The following IRAK2 variants were observed in gnomAD, a reference collection of about 807,000 sequenced individuals.
The protein encoded by IRAK2 is interleukin-1 receptor-associated kinase-like 2.
A neutral mutation model predicts 72.0 loss-of-function variants in IRAK2; 57 were observed. The observed-to-expected ratio is 0.79, with a 90% CI of 0.64 to 0.99. The LOEUF (loss-of-function observed/expected upper bound fraction) is 0.99, where lower values mean the gene tolerates loss of function less well. Ranked by LOEUF, IRAK2 falls within the 50% of genes least tolerant of loss-of-function variation. The pLI, the probability that IRAK2 is intolerant of heterozygous loss-of-function variation, is 0.00. For synonymous variants in IRAK2, 293 were observed against 312.7 expected (o/e 0.94, Z 0.67); for missense variants, 790 against 794.4 (o/e 0.99, Z 0.07).
At chr3:10,187,840 C>A (rs944582886) in intron 2 of IRAK2, among the ~76,000 whole-genome samples, 1 of 152,114 alleles carries the variant, frequency 6.6e-6, no homozygotes, top group Non-Finnish European at 1.5e-5. Flanking sequence ...CTCAGGGAAG[C>A]CCCATGATGG....
chr3:10,196,821 G>A (rs145312763), intron 2 of IRAK2, among the ~76,000 whole-genome samples: 5 of 152,140 alleles, frequency 3.3e-5, no homozygotes, highest in African/African-American at 1.2e-4. Context: ...AATACACAAC[G>A]TGGACATTCG....
chr3:10,174,112 G>A (rs1286782953), intron 1 of IRAK2, among the ~76,000 whole-genome samples: 1 of 152,136 alleles, frequency 6.6e-6, no homozygotes, highest in East Asian at 1.9e-4. Context: ...CCAATGCTTC[G>A]TGGGGGGAGA....
chr3:10,235,826 C>G (rs1364596943), intron 11 of IRAK2, among the ~76,000 whole-genome samples: 1 of 152,162 alleles, frequency 6.6e-6, no homozygotes, highest in East Asian at 1.9e-4. Flanking sequence ...TCTCTGGACT[C>G]CCAGTTCAGC....
chr3:10,177,814 C>G lies in IRAK2; in HGVS notation c.95-24C>G, dbSNP rs774935194. The G allele has an allele frequency of 1.3e-5, 21 of 1,606,760 alleles. No homozygotes were observed. In the South Asian group the frequency reaches 2.2e-4, roughly 17 times the overall value. On this transcript the variant is annotated intron_variant, in intron 1 of 12. Coordinates refer to ENST00000256458, the MANE Select transcript of IRAK2 (RefSeq NM_001570.4). The stretch of plus-strand genomic sequence containing the variant: ...GAGGGACTGCCTCTCTGACTCTAAG[C>G]AGAGTTCTCTCCGTCCCTTCCAGCC...
intron 4 of IRAK2, among the ~76,000 whole-genome samples, chr3:10,212,157 G>A (rs749408070): frequency 1.3e-5 from 2 of 152,014 alleles, no homozygotes; most frequent in Non-Finnish European, 2.9e-5. Context: ...TCTTTTTATA[G>A]GCTTATATAC....
intron 7 of IRAK2, among the ~76,000 whole-genome samples, chr3:10,217,698 TA>T (rs1697626297): frequency 6.6e-6 from 1 of 152,180 alleles, no homozygotes. Flanking sequence ...TAATCCTTAA[TA>T]AAAATTACAG....
chr3:10,242,592 C>A lies in IRAK2; in HGVS notation c.*364C>A, dbSNP rs1012666333. On this transcript the variant is annotated 3_prime_UTR_variant, in exon 13 of 13. Transcript: ENST00000256458. ...TTCCATTACCTCAGCAGCTCTTGTT[C>A]CCCCGCCACTGGCAGTTCTGCAATG... 1 of 158,512 alleles carries A rather than the reference C, an allele frequency of 6.3e-6. No homozygotes were observed. Among genetic ancestry groups the A allele is most frequent in the Non-Finnish European group, 1.4e-5 (1 of 72,368 alleles). The allele number at this position is 158,512 out of a possible 1,614,324, so 9.8% of individuals were successfully genotyped here.
At chr3:10,237,550 G>A (rs1490661980) in intron 11 of IRAK2, among the ~76,000 whole-genome samples, 2 of 152,144 alleles carry the variant, frequency 1.3e-5, no homozygotes, top group Non-Finnish European at 2.9e-5. Flanking sequence ...GCTCACGCCT[G>A]TAATCTCAGC....
intron 1 of IRAK2, 133 bp from the exon 2 acceptor site, chr3:10,177,705 G>C (rs1326856112): frequency 2.4e-6 from 2 of 833,508 alleles, no homozygotes; most frequent in Non-Finnish European, 3.9e-6. Context: ...CTCAGCTAAT[G>C]GTGGTGTTTC....
intron 8 of IRAK2, among the ~76,000 whole-genome samples, chr3:10,221,209 G>A (rs184086684): frequency 5.2e-4 from 77 of 148,980 alleles, no homozygotes; most frequent in African/African-American, 1.6e-3. Flanking sequence ...TGGCTAACAC[G>A]GTGAAACCTC....
At chr3:10,241,976 A>C in intron 12 of IRAK2, 140 bp from the exon 13 acceptor site, 2 of 389,962 alleles carry the variant, frequency 5.1e-6, no homozygotes, top group Non-Finnish European at 8.7e-6. Flanking sequence ...CTGTCTCGAT[A>C]AAAAAAAAAG....
At chr3:10,192,435 G>T (rs1170032363) in intron 2 of IRAK2, among the ~76,000 whole-genome samples, 1 of 152,180 alleles carries the variant, frequency 6.6e-6, no homozygotes. Flanking sequence ...TCAGCCAAAG[G>T]CCCAGCACCC....
chr3:10,185,191 G>T (rs1429072185), intron 2 of IRAK2, among the ~76,000 whole-genome samples: 1 of 151,484 alleles, frequency 6.6e-6, no homozygotes, highest in Non-Finnish European at 1.5e-5. Flanking sequence ...CTGCTGATTC[G>T]GAAACTCTAG....
intron 12 of IRAK2, among the ~76,000 whole-genome samples, chr3:10,240,784 C>G (rs1002726765): frequency 6.6e-6 from 1 of 151,262 alleles, no homozygotes; most frequent in African/African-American, 2.4e-5. Context: ...GTCTTGAACT[C>G]CCAACCTCAG....
intron 11 of IRAK2, among the ~76,000 whole-genome samples, chr3:10,235,960 C>T (rs746485304): frequency 5.9e-5 from 9 of 152,150 alleles, no homozygotes; most frequent in East Asian, 1.9e-4. Flanking sequence ...TCATTCATTC[C>T]GCAGTTGTAC....
At chr3:10,165,721 A>ATT (rs34176794) in intron 1 of IRAK2, among the ~76,000 whole-genome samples, 2,645 of 76,718 alleles carry the variant, frequency 0.034, 169 homozygotes, top group African/African-American at 0.077. Flanking sequence ...GTCTTGAACT[A>ATT]TTTTTTTTTT....
chr3:10,233,871 G>A (rs1220575466), intron 10 of IRAK2, among the ~76,000 whole-genome samples: 1 of 151,874 alleles, frequency 6.6e-6, no homozygotes, highest in African/African-American at 2.4e-5. Context: ...ATTTTTTTGA[G>A]ACAGAATCTC....
Position 10,167,483 on chromosome 3 carries a change from C to G in IRAK2, c.94+2435C>G, listed in dbSNP as rs553546992. Among the ~76,000 whole-genome samples, 24 of 151,768 alleles carry G rather than the reference C, an allele frequency of 1.6e-4. 1 individual carries two copies. In the East Asian group the frequency reaches 2.1e-3, roughly 13 times the overall value. On this transcript the variant is annotated intron_variant, in intron 1 of 12. Transcript: ENST00000256458. ...AGGCTGGAGTGCAGTGGCGCAATCTCGGCTCACTGCAAGCTCCACCTCCTG... is the reference window on the plus strand; with the variant it reads ...AGGCTGGAGTGCAGTGGCGCAATCTGGGCTCACTGCAAGCTCCACCTCCTG...
chr3:10,241,342 G>A lies in IRAK2; in HGVS notation c.1766-774G>A, dbSNP rs1370525441. ...TGGGAGGCTGAGGCGGGCGGATCAC[G>A]AGGTCAGGAGATCGAGACCATCCTG... On this transcript the variant is annotated intron_variant, in intron 12 of 12. Transcript: ENST00000256458. Among the ~76,000 whole-genome samples, 20 of 18,534 alleles carry A rather than the reference G, an allele frequency of 1.1e-3. No individual in the cohort carries two copies. The East Asian group carries it at 0.22, about 206-fold the overall frequency. The allele number at this position is 18,534 out of a possible 152,430, so 12.2% of individuals were successfully genotyped here.
Sources: allele counts gnomAD v4.1 joint callset (sites outside exome capture counted in the v4.1 genomes callset), GRCh38; gene constraint gnomAD v4.1.1; transcripts MANE v1.5; gene names NCBI Gene and HGNC (gene_info 2026-07-23, HGNC 2026-07-21).